Variants in USP34 observed in about 807,000 individuals in gnomAD.
USP34 encodes ubiquitin specific peptidase 34.
In USP34, 70 loss-of-function variants were observed where a neutral mutation model predicts 460.3. That is an observed-to-expected ratio of 0.15 (90% CI 0.13 to 0.19). The LOEUF is 0.19. USP34 is among the 10% of genes least tolerant of loss of function. The pLI is 1.00. For synonymous variants in USP34, 1,647 were observed against 1,405.3 expected (o/e 1.17, Z -3.85); for missense variants, 3,985 against 4,236.2 (o/e 0.94, Z 1.65).
intron 15 of USP34, 108 bp from the exon 16 acceptor site, chr2:61,344,137 G>T: frequency 1.0e-6 from 1 of 963,612 alleles, no homozygotes; most frequent in Admixed American, 2.5e-5. Context: ...GAAACAAACC[G>T]ACATCTGCTT....
At chr2:61,366,522 A>G (rs1194434621) in intron 10 of USP34, among the ~76,000 whole-genome samples, 1 of 152,234 alleles carries the variant, frequency 6.6e-6, no homozygotes, top group Non-Finnish European at 1.5e-5. Flanking sequence ...AAAACTACAT[A>G]AAGTAATTGC....
chr2:61,421,802 C>CGT (rs1323725904), intron 1 of USP34, among the ~76,000 whole-genome samples: 3 of 152,002 alleles, frequency 2.0e-5, no homozygotes, highest in Non-Finnish European at 4.4e-5. Context: ...CACACACGCG[C>CGT]GCGCGCGCAC....
At position 61,220,148 on chromosome 2, in the gene USP34, T is replaced by C. The variant is rs60269547; in HGVS notation, c.8047+162A>G. The C allele has an allele frequency of 0.01, 4,742 of 456,386 alleles. 292 individuals carry two copies. In the African/African-American group the frequency reaches 0.15, roughly 14 times the overall value. The allele number at this position is 456,386 out of a possible 1,614,324, so 28.3% of individuals were successfully genotyped here. A position where few individuals can be genotyped will look rare whatever the true frequency, so the allele number is the denominator to read the frequency against. ...ACCCAAGAAATAACATGGTTTCCTATCCTAAAAAAAAAAAAAAAAAAAAAA... is the reference window on the plus strand; with the variant it reads ...ACCCAAGAAATAACATGGTTTCCTACCCTAAAAAAAAAAAAAAAAAAAAAA... On this transcript the variant is annotated intron_variant, in intron 67 of 79. Transcript: ENST00000398571.
rs201098249 is a variant in USP34 at position 61,195,850 on chromosome 2, TACA to T, written c.9509-2873_9509-2871del. Among the ~76,000 whole-genome samples, 651 of 152,266 alleles carry T rather than the reference TACA, an allele frequency of 4.3e-3. 19 individuals are homozygous for T. Among genetic ancestry groups the T allele is most frequent in the Admixed American group, 0.039 (600 of 15,288 alleles). On this transcript the variant is annotated intron_variant, in intron 75 of 79. Transcript: ENST00000398571. ...TCTTATGGGCAAGCAGACTGTATACTACAATTTCTCTAGTCATTTCTCCCCTAC... is the reference window on the plus strand; with the variant it reads ...TCTTATGGGCAAGCAGACTGTATACTATTTCTCTAGTCATTTCTCCCCTAC...
intron 5 of USP34, among the ~76,000 whole-genome samples, chr2:61,389,408 T>C (rs1337947727): frequency 6.6e-6 from 1 of 152,208 alleles, no homozygotes. Context: ...GAGGGCATAG[T>C]TATATCTTTT....
intron 48 of USP34, among the ~76,000 whole-genome samples, chr2:61,255,593 C>A (rs1688703343): frequency 6.6e-6 from 1 of 152,220 alleles, no homozygotes; most frequent in Non-Finnish European, 1.5e-5. Context: ...AAAGTTCTCA[C>A]AACAGTGCTT....
chr2:61,438,866 A>C (rs1239842656), intron 1 of USP34, among the ~76,000 whole-genome samples: 4 of 152,238 alleles, frequency 2.6e-5, no homozygotes, highest in Admixed American at 2.0e-4. Context: ...TGAAGAAGTC[A>C]AACTGTCCCT....
intron 75 of USP34, 49 bp downstream of exon 75, chr2:61,203,090 AG>A: frequency 6.9e-7 from 1 of 1,456,894 alleles, no homozygotes; most frequent in Non-Finnish European, 9.1e-7. Context: ...CTGAATGACT[AG>A]GGGCTTAAAA....
At chr2:61,206,223 A>C in intron 71 of USP34, 99 bp from the exon 72 acceptor site, 1 of 994,710 alleles carries the variant, frequency 1.0e-6, no homozygotes, top group Non-Finnish European at 1.5e-6. Flanking sequence ...CTAGAAATTC[A>C]GGTTAATTAC....
In USP34 at chr2:61,445,222, T is replaced by TAAA. The variant is rs57854651; in HGVS notation, c.44-24392_44-24390dup. ...AAAACTGTCAACAGCAGAACCACAC[T>TAAA]AAAAAAAAAAAAAAAAAAAAAAAAA... On this transcript the variant is annotated intron_variant, in intron 1 of 79. Coordinates refer to ENST00000398571, the MANE Select transcript of USP34 (RefSeq NM_014709.4). 3.7e-3 allele frequency among the ~76,000 whole-genome samples: 151 copies of TAAA among 40,640 alleles called. 17 individuals are homozygous for TAAA. The highest frequency in any genetic ancestry group is 0.014 in the African/African-American group (129 of 9,428). 26.7% of individuals were successfully genotyped at this position (40,640 alleles called of 152,430 possible). A position where few individuals can be genotyped will look rare whatever the true frequency, so the allele number is the denominator to read the frequency against.
intron 76 of USP34, chr2:61,191,106 A>C (rs1168130954): frequency 6.4e-6 from 1 of 155,312 alleles, no homozygotes. Context: ...TTTAAACTTT[A>C]CTGTATATTC....
intron 75 of USP34, among the ~76,000 whole-genome samples, chr2:61,202,286 T>G (rs893483367): frequency 6.6e-6 from 1 of 152,178 alleles, no homozygotes; most frequent in East Asian, 1.9e-4. Context: ...TTGCAGGGTA[T>G]GGCAATATTT....
intron 41 of USP34, among the ~76,000 whole-genome samples, chr2:61,271,645 A>G (rs1572889774): frequency 6.6e-6 from 1 of 152,166 alleles, no homozygotes; most frequent in Non-Finnish European, 1.5e-5. Flanking sequence ...GGAAGAATGA[A>G]GATTAGCACT....
Position 61,241,569 on chromosome 2 carries a change from C to G in USP34, c.6768G>C (p.Glu2256Asp). The change falls in exon 53 of 80, where the codon GAG (glutamate) becomes GAC (aspartate). Residue 2256 changes from glutamate to aspartate, a missense_variant. Coordinates refer to ENST00000398571, the MANE Select transcript of USP34 (RefSeq NM_014709.4). ...TGAAATTAACTTATACCTCTAGTAA[C>G]TCTGACGAAACATCAAATTTGTATT... ...GREYKFDVSS[E>D]LLEWIWHDNM... 6.2e-7 allele frequency: 1 copy of G among 1,601,414 alleles called. No homozygotes were observed. The highest frequency in any genetic ancestry group is 1.1e-5 in the South Asian group (1 of 87,916).
rs1316760966 is a variant in USP34 at position 61,211,850 on chromosome 2, A to G, written c.8762T>C (p.Ile2921Thr). The G allele has an allele frequency of 4.3e-6, 7 of 1,610,396 alleles. No homozygotes were observed. Among genetic ancestry groups the G allele is most frequent in the Middle Eastern group, 1.6e-4 (1 of 6,070 alleles). The part of the protein sequence containing the change: ...PDMREEELED[I>T]KQFKKTTISC... ...TATGGTTGTTTTCTTGAACTGTTTA[A>G]TATCTTCTAATTCTTCTTCTCTCAT... The change falls in exon 69 of 80, where the codon ATT becomes ACT. Residue 2921 changes from isoleucine (I) to threonine (T), a missense_variant. Around this residue, in one of 14 missense-constraint regions of USP34, gnomAD observed 275 missense variants for 292.7 expected, o/e 0.94. Transcript: ENST00000398571.
At chr2:61,213,109 G>C (rs1466883316) in intron 68 of USP34, among the ~76,000 whole-genome samples, 2 of 151,994 alleles carry the variant, frequency 1.3e-5, no homozygotes, top group Non-Finnish European at 2.9e-5. Context: ...TCAACCTCCT[G>C]GGCTCAAGCG....
chr2:61,448,344 A>G (rs1695177240), intron 1 of USP34, among the ~76,000 whole-genome samples: 1 of 152,190 alleles, frequency 6.6e-6, no homozygotes, highest in African/African-American at 2.4e-5. Context: ...GTGGTGGCAC[A>G]TGCCTGCAGT....
chr2:61,321,093 T>A (rs1455040878), intron 21 of USP34, among the ~76,000 whole-genome samples: 1 of 151,998 alleles, frequency 6.6e-6, no homozygotes, highest in East Asian at 1.9e-4. Context: ...GGAAGGCTCT[T>A]CGAGCCCAGG....
At chr2:61,319,352 A>G (rs751570258) in intron 21 of USP34, 25 bp from the exon 22 acceptor site, 2 of 1,457,980 alleles carry the variant, frequency 1.4e-6, no homozygotes, top group Non-Finnish European at 1.8e-6. Context: ...TAAATTTTAT[A>G]CTTTATTAAC....
Sources: allele counts gnomAD v4.1 joint callset (sites outside exome capture counted in the v4.1 genomes callset), GRCh38; gene constraint gnomAD v4.1.1; regional missense constraint gnomAD v4.1.1; transcripts MANE v1.5; gene names NCBI Gene and HGNC (gene_info 2026-07-23, HGNC 2026-07-21).